Variants in SPTBN4 observed in about 807,000 individuals in gnomAD.
SPTBN4 encodes spectrin beta, non-erythrocytic 4, also known as spectrin beta chain, non-erythrocytic 4.
A neutral mutation model predicts 277.8 loss-of-function variants in SPTBN4; 96 were observed. The observed-to-expected ratio is 0.35, with a 90% CI of 0.29 to 0.41. SPTBN4 has a LOEUF of 0.41. SPTBN4 is among the 10% of genes least tolerant of loss of function. The probability of loss-of-function intolerance (pLI) is 1.00; values close to 1 mark genes in which losing one functional copy is unlikely to be tolerated. For missense variants in SPTBN4, 3,006 were observed against 3,595.7 expected, an observed-to-expected ratio of 0.84 and a Z score of 4.19; for synonymous variants, 1,481 against 1,580.3, an observed-to-expected ratio of 0.94 and a Z score of 1.49.
At chr19:40,545,601 C>A (rs1386138569) in intron 20 of SPTBN4, among the ~76,000 whole-genome samples, 1 of 152,076 alleles carries the variant, frequency 6.6e-6, no homozygotes. Flanking sequence ...TTTTTGCCAA[C>A]CTAATGTGTA....
At chr19:40,509,960 G>A (rs1281419360) in intron 13 of SPTBN4, among the ~76,000 whole-genome samples, 1 of 152,146 alleles carries the variant, frequency 6.6e-6, no homozygotes, top group African/African-American at 2.4e-5. Flanking sequence ...AGCTAGGTTT[G>A]TCTCAGGAAG....
chr19:40,488,301 T>C (rs1599721889), intron 3 of SPTBN4, among the ~76,000 whole-genome samples: 1 of 151,836 alleles, frequency 6.6e-6, no homozygotes, highest in East Asian at 1.9e-4. Flanking sequence ...CAGTGTTCGT[T>C]GGTAGGGTGA....
chr19:40,541,556 C>A (rs1381453368), intron 20 of SPTBN4, among the ~76,000 whole-genome samples: 1 of 152,180 alleles, frequency 6.6e-6, no homozygotes, highest in Non-Finnish European at 1.5e-5. Flanking sequence ...GCTGTCCCAT[C>A]CACCCTTAGG....
intron 18 of SPTBN4, among the ~76,000 whole-genome samples, chr19:40,529,894 A>G (rs2080642599): frequency 6.6e-6 from 1 of 151,924 alleles, no homozygotes; most frequent in Non-Finnish European, 1.5e-5. Context: ...ACCAGGTCTA[A>G]CCCCTAAACC....
chr19:40,535,378 C>G (rs1312702022), intron 20 of SPTBN4, among the ~76,000 whole-genome samples: 1 of 152,050 alleles, frequency 6.6e-6, no homozygotes. Flanking sequence ...CTGCTTTTAC[C>G]TGTCAGGAAC....
intron 11 of SPTBN4, 138 bp from the exon 12 acceptor site, chr19:40,503,692 G>T: frequency 1.1e-6 from 1 of 938,454 alleles, no homozygotes; most frequent in South Asian, 1.8e-5. Flanking sequence ...GGAGGATGAG[G>T]CTGGTCTCCA....
At chr19:40,517,482 G>A (rs113171929) in intron 15 of SPTBN4, among the ~76,000 whole-genome samples, 35 of 152,110 alleles carry the variant, frequency 2.3e-4, no homozygotes, top group African/African-American at 8.2e-4. Flanking sequence ...TTTTTGTACA[G>A]ATGGGGTCTC....
intron 32 of SPTBN4, among the ~76,000 whole-genome samples, chr19:40,570,132 A>G (rs1227185751): frequency 6.6e-6 from 1 of 151,752 alleles, no homozygotes; most frequent in Non-Finnish European, 1.5e-5. Context: ...CACACACAGA[A>G]GGAAGCCCCA....
intron 30 of SPTBN4, 41 bp downstream of exon 30, chr19:40,566,400 C>T (rs892952878): frequency 2.1e-6 from 3 of 1,459,512 alleles, no homozygotes; most frequent in Admixed American, 2.2e-5. Flanking sequence ...CCACCCCCAC[C>T]AAGACCCCCA....
chr19:40,544,726 G>A (rs1173682226), intron 20 of SPTBN4, among the ~76,000 whole-genome samples: 1 of 152,144 alleles, frequency 6.6e-6, no homozygotes, highest in East Asian at 1.9e-4. Flanking sequence ...TAGGATTACA[G>A]GCGTGAGCCA....
chr19:40,560,055 G>C lies in SPTBN4; in HGVS notation c.5671-104G>C. Reference sequence around the variant, plus strand: ...GAGCCTGGCTGTGGGATCACAGTGTGAGGCTCCTTATATCTTGAGGTTCTG... The same window carrying C: ...GAGCCTGGCTGTGGGATCACAGTGTCAGGCTCCTTATATCTTGAGGTTCTG... On this transcript the variant is annotated intron_variant, in intron 26 of 35. Coordinates refer to ENST00000598249, the MANE Select transcript of SPTBN4 (RefSeq NM_020971.3). The surrounding 1 kb of genome is among the most constrained non-coding windows in gnomAD (Gnocchi z 5.2). The C allele has an allele frequency of 6.9e-7, 1 of 1,443,950 alleles. No individual in the cohort carries two copies. Among genetic ancestry groups the C allele is most frequent in the Non-Finnish European group, 9.1e-7 (1 of 1,103,020 alleles). The allele number at this position is 1,443,950 out of a possible 1,614,324, so 89.4% of individuals were successfully genotyped here.
rs528349034 is a variant in SPTBN4, at chr19:40,513,898, C to G, written c.2765+344C>G. Among the ~76,000 whole-genome samples the G allele has an allele frequency of 1.2e-3, 188 of 152,302 alleles. 1 individual carries two copies. The highest frequency in any genetic ancestry group is 4.4e-3 in the African/African-American group (182 of 41,566). ...TTACATTCGCCAAGCATGAAATCAACGACCTATGCTTCTACAGGGACACCT... is the reference window on the plus strand; with the variant it reads ...TTACATTCGCCAAGCATGAAATCAAGGACCTATGCTTCTACAGGGACACCT... On this transcript the variant is annotated intron_variant, in intron 14 of 35. Transcript: ENST00000598249.
In SPTBN4 at chr19:40,565,968, A is replaced by C. The variant is rs528284399; in HGVS notation, c.6140-195A>C. 1.6e-4 allele frequency among the ~76,000 whole-genome samples: 24 copies of C among 152,256 alleles called. 1 individual carries two copies. In the East Asian group the frequency reaches 4.4e-3, roughly 28 times the overall value. On this transcript the variant is annotated intron_variant, in intron 29 of 35. Coordinates refer to ENST00000598249, the MANE Select transcript of SPTBN4 (RefSeq NM_020971.3). Reference sequence around the variant, plus strand: ...GTCCTGGGTGGGGGGACATTAAGGAAGGAGGAATGGGAGTCAGAAAGGAGG... The same window carrying C: ...GTCCTGGGTGGGGGGACATTAAGGACGGAGGAATGGGAGTCAGAAAGGAGG...
At position 40,504,680 on chromosome 19, in the gene SPTBN4, C is replaced by A. The variant is rs993872134; in HGVS notation, c.1665+548C>A. Among the ~76,000 whole-genome samples the A allele has an allele frequency of 2.7e-3, 377 of 139,892 alleles. 5 individuals carry two copies. Among genetic ancestry groups the A allele is most frequent in the African/African-American group, 8.5e-3 (332 of 39,062 alleles). 91.8% of individuals were successfully genotyped at this position (139,892 alleles called of 152,430 possible). On this transcript the variant is annotated intron_variant, in intron 12 of 35. Coordinates refer to ENST00000598249, the MANE Select transcript of SPTBN4 (RefSeq NM_020971.3). ...CGAGACTCCGTCTCAAAAAAAAAAA[C>A]AAAAAAAACAAAAAACAATTAGCTG...
At position 40,515,145 on chromosome 19, in the gene SPTBN4, GTTAAA is replaced by G. The variant is rs923559410; in HGVS notation, c.2766-154_2766-150del. Among the ~76,000 whole-genome samples, 8 of 151,186 alleles carry G rather than the reference GTTAAA, an allele frequency of 5.3e-5. No individual in the cohort carries two copies. The highest frequency in any genetic ancestry group is 1.7e-4 in the African/African-American group (7 of 40,836). ...AAATTAATTAAATTAAATTAAATAA[GTTAAA>G]TTAAATTAAATAAAATAAGCAGCAA... On this transcript the variant is annotated intron_variant, in intron 14 of 35. Coordinates refer to ENST00000598249, the MANE Select transcript of SPTBN4 (RefSeq NM_020971.3). The surrounding 1 kb of genome is among the most constrained non-coding windows in gnomAD (Gnocchi z 4.1).
At chr19:40,520,777 G>A (rs976230193) in intron 16 of SPTBN4, among the ~76,000 whole-genome samples, 3 of 152,218 alleles carry the variant, frequency 2.0e-5, no homozygotes, top group African/African-American at 7.2e-5. Flanking sequence ...TCTGGGATGG[G>A]AACCAAGTTT....
chr19:40,520,006 T>C lies in SPTBN4; in HGVS notation c.3509T>C (p.Leu1170Pro). The C allele has an allele frequency of 6.4e-7, 1 of 1,562,088 alleles. No homozygotes were observed. The highest frequency in any genetic ancestry group is 8.6e-7 in the Non-Finnish European group (1 of 1,158,650). ...DGAELGPGLA[L>P]DEWLPHLELG... Reference sequence around the variant, plus strand: ...GCAGAGCTGGGCCCGGGCCTGGCACTAGACGAGTGGCTGCCACACCTCGAA... The same window carrying C: ...GCAGAGCTGGGCCCGGGCCTGGCACCAGACGAGTGGCTGCCACACCTCGAA... The change falls in exon 16 of 36, where the codon CTA (leucine) becomes CCA (proline). Residue 1170 changes from leucine to proline, a missense_variant. Leu to Pro is a moderately conservative substitution (Grantham distance 98). This residue lies in a region of SPTBN4 where 1,759 missense variants were observed against 2,061.5 expected (regional missense o/e 0.85). Transcript: ENST00000598249.
chr19:40,467,710 C>G (rs1317835163), intron 1 of SPTBN4, among the ~76,000 whole-genome samples: 1 of 151,848 alleles, frequency 6.6e-6, no homozygotes, highest in Admixed American at 6.6e-5. Flanking sequence ...CATTCAATCG[C>G]GTTATGGCCA....
chr19:40,490,017 G>A lies in SPTBN4; in HGVS notation c.322-58G>A, dbSNP rs1466742370. 1.3e-6 allele frequency: 2 copies of A among 1,487,296 alleles called. No homozygotes were observed. Among genetic ancestry groups the A allele is most frequent in the Non-Finnish European group, 1.8e-6 (2 of 1,117,094 alleles). The allele number at this position is 1,487,296 out of a possible 1,614,324, so 92.1% of individuals were successfully genotyped here. A position where few individuals can be genotyped will look rare whatever the true frequency, so the allele number is the denominator to read the frequency against. Reference sequence around the variant, plus strand: ...GCTTCTTTGGAAGCTGCGGGGCCGAGGGCGCCATACTCCTGTCTGTCCAGA... The same window carrying A: ...GCTTCTTTGGAAGCTGCGGGGCCGAAGGCGCCATACTCCTGTCTGTCCAGA... On this transcript the variant is annotated intron_variant, in intron 3 of 35. Transcript: ENST00000598249. This position sits in a 1 kb window ranked among gnomAD's most constrained non-coding sequence, Gnocchi z 4.3.
Sources: allele counts gnomAD v4.1 joint callset (sites outside exome capture counted in the v4.1 genomes callset), GRCh38; gene constraint gnomAD v4.1.1; regional missense constraint gnomAD v4.1.1; non-coding constraint Gnocchi (gnomAD v3.1); transcripts MANE v1.5; gene names NCBI Gene and HGNC (gene_info 2026-07-23, HGNC 2026-07-21).